Variants in RALGAPA1 observed in about 807,000 individuals in gnomAD.
RALGAPA1 encodes Ral GTPase activating protein catalytic subunit alpha 1.
A neutral mutation model predicts 269.6 loss-of-function variants in RALGAPA1; 52 were observed. That is an observed-to-expected ratio of 0.19 (90% CI 0.15 to 0.24). The LOEUF (loss-of-function observed/expected upper bound fraction) is 0.24, where lower values mean the gene tolerates loss of function less well. Among genes scored for constraint, RALGAPA1 ranks in the 10% least tolerant of loss-of-function variants. The pLI is 1.00. For synonymous variants in RALGAPA1, 817 were observed against 1,008.3 expected, an observed-to-expected ratio of 0.81 and a Z score of 3.60; for missense variants, 1,917 against 3,013.9, an observed-to-expected ratio of 0.64 and a Z score of 8.52.
chr14:35,607,988 C>T (rs946715220), intron 35 of RALGAPA1, among the ~76,000 whole-genome samples: 1 of 152,132 alleles, frequency 6.6e-6, no homozygotes, highest in African/African-American at 2.4e-5. Flanking sequence ...AGAGACTTAT[C>T]AAAACAAGGT....
chr14:35,613,799 C>T (rs1417807678), intron 35 of RALGAPA1, among the ~76,000 whole-genome samples: 2 of 152,172 alleles, frequency 1.3e-5, no homozygotes, highest in African/African-American at 4.8e-5. Context: ...TTCCAAATTG[C>T]ACTCTGAGTT....
In RALGAPA1 at chr14:35,561,163, G is replaced by A. The variant is rs2056183966; in HGVS notation, c.7496+9454C>T. On this transcript the variant is annotated intron_variant, in intron 39 of 41. Coordinates refer to ENST00000680220, the MANE Select transcript of RALGAPA1 (RefSeq NM_001346249.2). Reference sequence around the variant, plus strand: ...AAACGCTTGAAACTGGAAAGTGGAGGTTGCAGTGAGCCGAGATGGCGCCAC... The same window carrying A: ...AAACGCTTGAAACTGGAAAGTGGAGATTGCAGTGAGCCGAGATGGCGCCAC... Among the ~76,000 whole-genome samples, 9 of 136,838 alleles carry A rather than the reference G, an allele frequency of 6.6e-5. No individual in the cohort carries two copies. The Admixed American group carries it at 7.6e-4, about 12-fold the overall frequency. The allele number at this position is 136,838 out of a possible 152,430, so 89.8% of individuals were successfully genotyped here. A position where few individuals can be genotyped will look rare whatever the true frequency, so the allele number is the denominator to read the frequency against.
chr14:35,623,880 C>G (rs2060810762), intron 35 of RALGAPA1, among the ~76,000 whole-genome samples: 1 of 152,090 alleles, frequency 6.6e-6, no homozygotes, highest in African/African-American at 2.4e-5. Context: ...GCGATCGAGA[C>G]CATTCTGGCT....
At chr14:35,705,852 A>C (rs1448406710) in intron 16 of RALGAPA1, among the ~76,000 whole-genome samples, 1 of 152,120 alleles carries the variant, frequency 6.6e-6, no homozygotes, top group Non-Finnish European at 1.5e-5. Context: ...CCATTCTTTT[A>C]GGTGTGTAGT....
intron 21 of RALGAPA1, among the ~76,000 whole-genome samples, chr14:35,681,060 C>A (rs112190707): frequency 2.6e-5 from 4 of 151,960 alleles, no homozygotes; most frequent in Non-Finnish European, 5.9e-5. Flanking sequence ...GTTTCCTATA[C>A]TAGATTTCTT....
chr14:35,739,729 G>A (rs768351900), intron 11 of RALGAPA1, among the ~76,000 whole-genome samples: 3 of 151,986 alleles, frequency 2.0e-5, no homozygotes, highest in Non-Finnish European at 4.4e-5. Flanking sequence ...TGCAACTACC[G>A]CTGTCCTAGA....
chr14:35,709,526 A>G lies in RALGAPA1; in HGVS notation c.2267-9224T>C, dbSNP rs574732331. On this transcript the variant is annotated intron_variant, in intron 16 of 41. Coordinates refer to ENST00000680220, the MANE Select transcript of RALGAPA1 (RefSeq NM_001346249.2). ...TAAGACCCAACTTTCGGTTTTGTTG[A>G]TTTTTCTCTAGTGATTTCCTATTTT... Among the ~76,000 whole-genome samples the G allele has an allele frequency of 2.0e-5, 3 of 151,450 alleles. No individual in the cohort carries two copies. In the East Asian group the frequency reaches 5.8e-4, roughly 29 times the overall value.
chr14:35,585,365 A>C (rs912788075), intron 37 of RALGAPA1, among the ~76,000 whole-genome samples: 3 of 152,246 alleles, frequency 2.0e-5, no homozygotes, highest in African/African-American at 7.2e-5. Flanking sequence ...TGGAGATTAA[A>C]CAACATACTT....
chr14:35,732,534 G>T (rs866527912), intron 12 of RALGAPA1, among the ~76,000 whole-genome samples: 2 of 151,976 alleles, frequency 1.3e-5, no homozygotes, highest in Non-Finnish European at 2.9e-5. Flanking sequence ...AGAAGGACTC[G>T]CATAAGTAAA....
intron 31 of RALGAPA1, among the ~76,000 whole-genome samples, chr14:35,639,478 T>C (rs2061868729): frequency 6.6e-6 from 1 of 152,198 alleles, no homozygotes; most frequent in Non-Finnish European, 1.5e-5. Flanking sequence ...ATTTTTCTCC[T>C]CAGCATCTGT....
intron 16 of RALGAPA1, among the ~76,000 whole-genome samples, chr14:35,704,576 A>G (rs2067639958): frequency 6.6e-6 from 1 of 152,146 alleles, no homozygotes; most frequent in Non-Finnish European, 1.5e-5. Flanking sequence ...AACCAGTAAA[A>G]TAAGTCTTCG....
At chr14:35,596,460 A>G (rs2058936029) in intron 36 of RALGAPA1, among the ~76,000 whole-genome samples, 1 of 152,170 alleles carries the variant, frequency 6.6e-6, no homozygotes, top group Non-Finnish European at 1.5e-5. Flanking sequence ...GAATAAAAAA[A>G]AATTGAAAAT....
chr14:35,645,200 A>T (rs751180465), intron 31 of RALGAPA1, among the ~76,000 whole-genome samples: 121 of 152,210 alleles, frequency 7.9e-4, no homozygotes, highest in Non-Finnish European at 1.5e-3. Context: ...TAAGGGCACT[A>T]ATCCCATTGA....
intron 39 of RALGAPA1, among the ~76,000 whole-genome samples, chr14:35,563,778 C>T (rs1486354465): frequency 6.6e-6 from 1 of 152,130 alleles, no homozygotes; most frequent in Non-Finnish European, 1.5e-5. Flanking sequence ...GGAACACTTA[C>T]ACTAGCCTGC....
At chr14:35,798,599 T>G (rs1188499425) in intron 1 of RALGAPA1, among the ~76,000 whole-genome samples, 1 of 152,270 alleles carries the variant, frequency 6.6e-6, no homozygotes, top group Non-Finnish European at 1.5e-5. Context: ...ACAAATTATG[T>G]ATCCAAAAAC....
chr14:35,677,806 C>T (rs1957830), intron 22 of RALGAPA1, 144 bp downstream of exon 22: 184,081 of 704,368 alleles, frequency 0.26, 32,995 homozygotes, highest in African/African-American at 0.67. Context: ...AAAAAAGTTA[C>T]ATTAACAAAT....
Position 35,651,886 on chromosome 14 carries a change from A to G in RALGAPA1, c.5608-13T>C, listed in dbSNP as rs1385460797. On this transcript the variant is annotated splice_polypyrimidine_tract_variant and intron_variant, in intron 30 of 41. Coordinates refer to ENST00000680220, the MANE Select transcript of RALGAPA1 (RefSeq NM_001346249.2). ...TAGCTATTAGGATCTGTAAGCAAAA[A>G]AAAATTTTTTTAAAAGCTCTATATA... is the stretch of plus-strand genomic sequence containing the variant. 6.9e-6 allele frequency: 11 copies of G among 1,593,968 alleles called. No individual in the cohort carries two copies. The highest frequency in any genetic ancestry group is 9.4e-6 in the Non-Finnish European group (11 of 1,173,462).
chr14:35,770,970 A>G lies in RALGAPA1; in HGVS notation c.297T>C (p.Ile99=). ...EKILQLLPER[I]HQRWQFHSIG... ...TACTATGAAACTGCCATCGCTGATGAATTCTTTCTGGAAGAAGTTGTAAAA... is the reference window on the plus strand; with the variant it reads ...TACTATGAAACTGCCATCGCTGATGGATTCTTTCTGGAAGAAGTTGTAAAA... Residue 99 remains isoleucine (I), a synonymous_variant, in exon 4 of 42, where the codon ATT becomes ATC. Transcript: ENST00000680220. The G allele has an allele frequency of 7.2e-7, 1 of 1,398,438 alleles. No individual in the cohort carries two copies. The highest frequency in any genetic ancestry group is 9.9e-7 in the Non-Finnish European group (1 of 1,012,488). 86.6% of individuals were successfully genotyped at this position (1,398,438 alleles called of 1,614,324 possible).
At chr14:35,801,878 C>T (rs1487802035) in intron 1 of RALGAPA1, among the ~76,000 whole-genome samples, 3 of 152,182 alleles carry the variant, frequency 2.0e-5, no homozygotes, top group Non-Finnish European at 4.4e-5. Context: ...TACTTCTAAT[C>T]TATGTCACAT....
Sources: allele counts gnomAD v4.1 joint callset (sites outside exome capture counted in the v4.1 genomes callset), GRCh38; gene constraint gnomAD v4.1.1; transcripts MANE v1.5; gene names NCBI Gene and HGNC (gene_info 2026-07-23, HGNC 2026-07-21).